CNTRL: variants seen among roughly 807,000 people sequenced by gnomAD.
CNTRL encodes centriolin, also known as 110 kDa centrosomal protein.
CNTRL carries 233 observed loss-of-function variants against 303.7 expected under a neutral mutation model. The observed-to-expected ratio is 0.77, with a 90% CI of 0.69 to 0.86. The LOEUF is 0.86. Among genes scored for constraint, CNTRL ranks in the 40% least tolerant of loss-of-function variants. The probability of loss-of-function intolerance (pLI) is 0.00; values close to 1 mark genes in which losing one functional copy is unlikely to be tolerated. For missense variants in CNTRL, 2,524 were observed against 2,650.6 expected, an observed-to-expected ratio of 0.95 and a Z score of 1.05; for synonymous variants, 900 against 922.2, an observed-to-expected ratio of 0.98 and a Z score of 0.44.
At position 121,113,715 on chromosome 9, in the gene CNTRL, AT is replaced by A; in HGVS notation, c.1337del (p.Ile446LysfsTer15). The A allele has an allele frequency of 5.2e-6, 8 of 1,533,384 alleles. No homozygotes were observed. The highest frequency in any genetic ancestry group is 6.1e-6 in the Non-Finnish European group (7 of 1,147,150). The allele number at this position is 1,533,384 out of a possible 1,614,324, so 95.0% of individuals were successfully genotyped here. A position where few individuals can be genotyped will look rare whatever the true frequency, so the allele number is the denominator to read the frequency against. ...GCAACTGGAAGACAAAGAAAAAAAA[AT>A]AAGTGCAGGTTAAAAAAAGTTATTT... The part of the protein sequence containing the change: ...DTQLEDKEKK[I>X]SAAQTRLSEL... On this transcript the variant is annotated frameshift_variant, in exon 10 of 44. Coordinates refer to ENST00000373855, the MANE Select transcript of CNTRL (RefSeq NM_007018.6). LOFTEE classifies it high-confidence loss of function.
intron 1 of CNTRL, 120 bp from the exon 2 acceptor site, chr9:121,080,186 T>C (rs973818235): frequency 2.6e-5 from 4 of 152,120 alleles, no homozygotes; most frequent in African/African-American, 2.4e-5. Context: ...TTATTTAAGA[T>C]CTTCATCTGT....
Position 121,118,328 on chromosome 9 carries a change from G to T in CNTRL, c.1456-18G>T. Reference sequence around the variant, plus strand: ...TGTTCTTCTCTGTTAATTATATATTGGGGTTTGGGGAGATTAGATTTCAGA... The same window carrying T: ...TGTTCTTCTCTGTTAATTATATATTTGGGTTTGGGGAGATTAGATTTCAGA... On this transcript the variant is annotated intron_variant, in intron 11 of 43. Coordinates refer to ENST00000373855, the MANE Select transcript of CNTRL (RefSeq NM_007018.6). The T allele has an allele frequency of 6.6e-7, 1 of 1,511,312 alleles. No homozygotes were observed. The highest frequency in any genetic ancestry group is 1.4e-5 in the South Asian group (1 of 72,302). 93.6% of individuals were successfully genotyped at this position (1,511,312 alleles called of 1,614,324 possible). A position where few individuals can be genotyped will look rare whatever the true frequency, so the allele number is the denominator to read the frequency against.
intron 7 of CNTRL, among the ~76,000 whole-genome samples, chr9:121,104,054 C>T (rs2049322612): frequency 1.3e-5 from 2 of 152,226 alleles, no homozygotes; most frequent in Middle Eastern, 3.4e-3. Context: ...TAAATCATGC[C>T]ACTATAAAGA....
chr9:121,148,857 T>C lies in CNTRL; in HGVS notation c.3645T>C (p.Ser1215=). 6.2e-7 allele frequency: 1 copy of C among 1,611,794 alleles called. No individual in the cohort carries two copies. The highest frequency in any genetic ancestry group is 8.5e-7 in the Non-Finnish European group (1 of 1,179,102). Residue 1215 remains serine (S), a synonymous_variant, in exon 24 of 44, where the codon AGT becomes AGC. Transcript: ENST00000373855. ...GTGGGTTACATAAACTGTTTCCAAG[T>C]AGAGGTAAGTCAAATCACATAGGAA... is the stretch of plus-strand genomic sequence containing the variant. ...IRSGLHKLFP[S]RDADSGGDSQ...
Position 121,141,488 on chromosome 9 carries a change from G to T in CNTRL, c.2591G>T (p.Arg864Ile), listed in dbSNP as rs2051508719. ...SKWERDEAQV[R>I]ERKLQEEMAL... ...TGGGAAAGAGATGAAGCACAAGTTA[G>T]AGAGAGAAAACTCCAAGAAGAAATG... The change falls in exon 18 of 44, where the codon AGA (arginine) becomes ATA (isoleucine). Residue 864 changes from arginine to isoleucine, a missense_variant. Physicochemically the swap from Arg to Ile is moderately conservative, Grantham distance 97. Transcript: ENST00000373855. 6.2e-6 allele frequency: 10 copies of T among 1,614,066 alleles called. No individual in the cohort carries two copies. The highest frequency in any genetic ancestry group is 8.5e-6 in the Non-Finnish European group (10 of 1,180,000).
chr9:121,144,651 C>T (rs1425767176), intron 20 of CNTRL, among the ~76,000 whole-genome samples, 192 bp from the exon 21 acceptor site: 1 of 152,146 alleles, frequency 6.6e-6, no homozygotes, highest in East Asian at 1.9e-4. Flanking sequence ...TGATGCCGCA[C>T]CTTGGGGTTG....
chr9:121,138,590 G>T lies in CNTRL; in HGVS notation c.2248G>T (p.Ala750Ser). ...LQAELEKERQ[A>S]LKNALGKAQF... ...AGCAGAACTTGAGAAGGAAAGGCAAGCCCTCAAGAATGCCCTTGGAAAAGC... is the reference window on the plus strand; with the variant it reads ...AGCAGAACTTGAGAAGGAAAGGCAATCCCTCAAGAATGCCCTTGGAAAAGC... The change falls in exon 16 of 44, where the codon GCC (alanine) becomes TCC (serine). Residue 750 changes from alanine to serine, a missense_variant. Transcript: ENST00000373855. 1 of 1,613,958 alleles carries T rather than the reference G, an allele frequency of 6.2e-7. No homozygotes were observed. Among genetic ancestry groups the T allele is most frequent in the Non-Finnish European group, 8.5e-7 (1 of 1,179,858 alleles).
intron 9 of CNTRL, 121 bp from the exon 10 acceptor site, chr9:121,113,381 A>G (rs1423600814): frequency 7.5e-6 from 4 of 530,874 alleles, no homozygotes; most frequent in Non-Finnish European, 1.3e-5. Flanking sequence ...GCTCCTAGGC[A>G]TGTAGAATTT....
At chr9:121,138,766 T>G in intron 16 of CNTRL, 87 bp downstream of exon 16, 5 of 1,335,012 alleles carry the variant, frequency 3.7e-6, no homozygotes, top group Non-Finnish European at 5.2e-6. Flanking sequence ...CAACCTGCTC[T>G]AACATGTAGT....
rs139787251 is a variant in CNTRL at position 121,173,405 on chromosome 9, G to A, written c.6580G>A (p.Glu2194Lys). ...TCTAGAAGCTATTTTGGAAAGAAAC[G>A]AAAACCTAGAAGGAGAATTGGAAAG... ...ADLEAILERN[E>K]NLEGELESLK... The change falls in exon 41 of 44, where the codon GAA (glutamate) becomes AAA (lysine). Residue 2194 changes from glutamate to lysine, a missense_variant. Glu to Lys is a moderately conservative substitution (Grantham distance 56, BLOSUM62 1). Coordinates refer to ENST00000373855, the MANE Select transcript of CNTRL (RefSeq NM_007018.6). 260 of 1,614,034 alleles carry A rather than the reference G, an allele frequency of 1.6e-4. No homozygotes were observed. The highest frequency in any genetic ancestry group is 1.9e-4 in the Non-Finnish European group (226 of 1,180,004).
At chr9:121,079,121 C>T (rs370991897) in intron 1 of CNTRL, among the ~76,000 whole-genome samples, 42 of 152,188 alleles carry the variant, frequency 2.8e-4, no homozygotes, top group African/African-American at 9.2e-4. Flanking sequence ...AAGACACTTA[C>T]GATAGCAAAA....
chr9:121,134,208 G>A (rs2051044908), intron 14 of CNTRL, among the ~76,000 whole-genome samples: 1 of 151,826 alleles, frequency 6.6e-6, no homozygotes, highest in Admixed American at 6.6e-5. Flanking sequence ...ATTTTTTTAA[G>A]AGCATTTTCC....
chr9:121,174,096 T>G (rs1271955667), intron 42 of CNTRL, among the ~76,000 whole-genome samples: 2 of 152,200 alleles, frequency 1.3e-5, no homozygotes, highest in African/African-American at 2.4e-5. Flanking sequence ...ACTGGAAAAG[T>G]AGGCTGAATG....
intron 40 of CNTRL, 91 bp downstream of exon 40, chr9:121,171,639 A>G (rs1176195703): frequency 7.5e-7 from 1 of 1,333,772 alleles, no homozygotes; most frequent in Non-Finnish European, 1.0e-6. Context: ...TCCCTTCTAT[A>G]GTAGTATAGA....
chr9:121,136,033 A>G, intron 15 of CNTRL, 51 bp downstream of exon 15: 1 of 1,401,510 alleles, frequency 7.1e-7, no homozygotes, highest in Non-Finnish European at 9.7e-7. Context: ...GTGCCTTAAG[A>G]TATCATCCTT....
chr9:121,128,260 A>G (rs1219898779), intron 14 of CNTRL, among the ~76,000 whole-genome samples: 1 of 152,206 alleles, frequency 6.6e-6, no homozygotes, highest in African/African-American at 2.4e-5. Context: ...CACTCCCACC[A>G]ACAGTGTAAA....
At chr9:121,108,045 A>G (rs749132358) in intron 8 of CNTRL, 50 bp downstream of exon 8, 24 of 1,306,122 alleles carry the variant, frequency 1.8e-5, no homozygotes, top group Non-Finnish European at 2.5e-5. Context: ...AAGACAGATA[A>G]TTCTTTGCCC....
intron 13 of CNTRL, 67 bp from the exon 14 acceptor site, chr9:121,125,649 A>T: frequency 7.3e-7 from 1 of 1,377,076 alleles, no homozygotes; most frequent in Admixed American, 1.8e-5. Flanking sequence ...GGCTTATAAC[A>T]AAATGCTGAG....
At position 121,124,142 on chromosome 9, in the gene CNTRL, T is replaced by C. The variant is rs752949937; in HGVS notation, c.1804+58T>C. 1.3e-4 allele frequency: 186 copies of C among 1,426,028 alleles called. 2 individuals are homozygous for C. Among genetic ancestry groups the C allele is most frequent in the Non-Finnish European group, 1.8e-4 (184 of 1,051,212 alleles). The allele number at this position is 1,426,028 out of a possible 1,614,324, so 88.3% of individuals were successfully genotyped here. On this transcript the variant is annotated intron_variant, in intron 13 of 43. Coordinates refer to ENST00000373855, the MANE Select transcript of CNTRL (RefSeq NM_007018.6). ...GTGTTATTGCTGGTAAAAGAAACAT[T>C]ATAAAGACAAGCATTAATCCAGATA... is the stretch of plus-strand genomic sequence containing the variant.
Sources: gnomAD v4.1 joint callset for allele counts (sites outside exome capture counted in the v4.1 genomes callset) on GRCh38, gnomAD v4.1.1 for gene constraint, MANE v1.5 for transcripts, NCBI Gene and HGNC (gene_info 2026-07-23, HGNC 2026-07-21) for gene names.